ADAMTS2: variants seen among roughly 807,000 people sequenced by gnomAD.
ADAMTS2 encodes the protein A disintegrin and metalloproteinase with thrombospondin motifs 2.
Under a neutral mutation model 123.0 loss-of-function variants are expected in ADAMTS2, and 50 were observed. The observed-to-expected ratio is 0.41, with a 90% CI of 0.32 to 0.51. The LOEUF is 0.51. Ranked by LOEUF, ADAMTS2 falls within the 20% of genes least tolerant of loss-of-function variation. The probability of loss-of-function intolerance (pLI) is 0.35; values close to 1 mark genes in which losing one functional copy is unlikely to be tolerated. For synonymous variants in ADAMTS2, 678 were observed against 695.4 expected (o/e 0.98, Z 0.39); for missense variants, 1,494 against 1,705.2 (o/e 0.88, Z 2.18).
intron 2 of ADAMTS2, among the ~76,000 whole-genome samples, chr5:179,310,364 G>A (rs939924544): frequency 6.6e-6 from 1 of 152,224 alleles, no homozygotes; most frequent in East Asian, 1.9e-4. Context: ...CTCCAAGCTG[G>A]AGGATCAGGA....
intron 2 of ADAMTS2, among the ~76,000 whole-genome samples, chr5:179,343,488 T>A (rs1242507390): frequency 1.3e-5 from 2 of 152,168 alleles, no homozygotes; most frequent in Admixed American, 6.5e-5. Flanking sequence ...CAGAGACCTG[T>A]TCAGGCAGGC....
chr5:179,293,260 AG>A (rs1756238645), intron 2 of ADAMTS2, among the ~76,000 whole-genome samples: 1 of 152,258 alleles, frequency 6.6e-6, no homozygotes, highest in Non-Finnish European at 1.5e-5. Flanking sequence ...CAAAAGAGGC[AG>A]CGGCCTGTGC....
Position 179,234,922 on chromosome 5 carries a change from G to T in ADAMTS2, c.689-27207C>A, listed in dbSNP as rs114330092. Among the ~76,000 whole-genome samples, 5,333 of 152,252 alleles carry T rather than the reference G, an allele frequency of 0.035. 173 individuals carry two copies. Among genetic ancestry groups the T allele is most frequent in the Non-Finnish European group, 0.043 (2,918 of 68,014 alleles). On this transcript the variant is annotated intron_variant, in intron 3 of 21. Coordinates refer to ENST00000251582, the MANE Select transcript of ADAMTS2 (RefSeq NM_014244.5). This position sits in a 1 kb window ranked among gnomAD's most constrained non-coding sequence, Gnocchi z 4.7. ...CCCGTGCGGGAGTGCGAGCACACTG[G>T]CTAGGGCCTCCTGATGGGCCTGACC...
chr5:179,119,282 G>A lies in ADAMTS2; in HGVS notation c.3178+2379C>T, dbSNP rs531118148. On this transcript the variant is annotated intron_variant, in intron 21 of 21. Transcript: ENST00000251582. ...TCTGGGCAGGCTGAACTCAGCCATC[G>A]CTACCATGGTTGCTCCCTCCCCAGG... Among the ~76,000 whole-genome samples the A allele has an allele frequency of 1.1e-4, 17 of 152,310 alleles. No individual in the cohort carries two copies. In the South Asian group the frequency reaches 2.5e-3, roughly 22 times the overall value.
intron 2 of ADAMTS2, among the ~76,000 whole-genome samples, chr5:179,320,823 T>C (rs769463110): frequency 2.0e-5 from 3 of 152,204 alleles, no homozygotes; most frequent in Non-Finnish European, 2.9e-5. Flanking sequence ...GCTGGAATTG[T>C]TGGAAAGGAA....
intron 5 of ADAMTS2, among the ~76,000 whole-genome samples, chr5:179,169,274 C>G (rs1763769506): frequency 6.6e-6 from 1 of 152,182 alleles, no homozygotes; most frequent in Non-Finnish European, 1.5e-5. Context: ...AAGGTGCCCT[C>G]TAGGAGGAAT....
chr5:179,117,915 T>C lies in ADAMTS2; in HGVS notation c.3179-3591A>G, dbSNP rs1246844918. Among the ~76,000 whole-genome samples, 1 of 152,162 alleles carries C rather than the reference T, an allele frequency of 6.6e-6. No homozygotes were observed. The highest frequency in any genetic ancestry group is 1.9e-4 in the East Asian group (1 of 5,186). The stretch of plus-strand genomic sequence containing the variant: ...GTGACAGAGACCATGTGGGCTCCAA[T>C]GCCCAAAATATTGACTACCTGGCCC... On this transcript the variant is annotated intron_variant, in intron 21 of 21. Coordinates refer to ENST00000251582, the MANE Select transcript of ADAMTS2 (RefSeq NM_014244.5). This position sits in a 1 kb window ranked among gnomAD's most constrained non-coding sequence, Gnocchi z 4.2.
intron 21 of ADAMTS2, 51 bp from the exon 22 acceptor site, chr5:179,114,375 T>A: frequency 6.4e-7 from 1 of 1,552,648 alleles, no homozygotes; most frequent in Non-Finnish European, 8.8e-7. Flanking sequence ...AAGGGGGACT[T>A]TGTTCCCCCA....
At chr5:179,219,368 G>C (rs960782628) in intron 3 of ADAMTS2, among the ~76,000 whole-genome samples, 1 of 152,198 alleles carries the variant, frequency 6.6e-6, no homozygotes, top group Non-Finnish European at 1.5e-5. Context: ...AACCACGAGA[G>C]TCCTGTGTGC....
Position 179,256,423 on chromosome 5 carries a change from C to G in ADAMTS2, c.688+16488G>C, listed in dbSNP as rs980129928. On this transcript the variant is annotated intron_variant, in intron 3 of 21. Coordinates refer to ENST00000251582, the MANE Select transcript of ADAMTS2 (RefSeq NM_014244.5). This position sits in a 1 kb window ranked among gnomAD's most constrained non-coding sequence, Gnocchi z 4.1. ...GACCCTGGGCTCCTGGTGCCCAGCT[C>G]AGGGAAGCTCCTGGGTGCGGCTCGG... Among the ~76,000 whole-genome samples, 1 of 152,198 alleles carries G rather than the reference C, an allele frequency of 6.6e-6. No homozygotes were observed. The highest frequency in any genetic ancestry group is 2.4e-5 in the African/African-American group (1 of 41,446).
At position 179,242,727 on chromosome 5, in the gene ADAMTS2, G is replaced by A. The variant is rs1765696425; in HGVS notation, c.688+30184C>T. 6.6e-6 allele frequency among the ~76,000 whole-genome samples: 1 copy of A among 152,160 alleles called. No individual in the cohort carries two copies. The highest frequency in any genetic ancestry group is 2.4e-5 in the African/African-American group (1 of 41,432). On this transcript the variant is annotated intron_variant, in intron 3 of 21. Transcript: ENST00000251582. This position sits in a 1 kb window ranked among gnomAD's most constrained non-coding sequence, Gnocchi z 4.2. ...ATGGGGAGTTCCACTCTGGGGGTGTGTGGCCAAGAACACAGGGCTCCCTCT... is the reference window on the plus strand; with the variant it reads ...ATGGGGAGTTCCACTCTGGGGGTGTATGGCCAAGAACACAGGGCTCCCTCT...
chr5:179,225,610 G>A lies in ADAMTS2; in HGVS notation c.689-17895C>T, dbSNP rs531925747. Among the ~76,000 whole-genome samples the A allele has an allele frequency of 1.3e-4, 20 of 152,262 alleles. No homozygotes were observed. The highest frequency in any genetic ancestry group is 2.4e-4 in the Non-Finnish European group (16 of 68,012). On this transcript the variant is annotated intron_variant, in intron 3 of 21. Coordinates refer to ENST00000251582, the MANE Select transcript of ADAMTS2 (RefSeq NM_014244.5). This position sits in a 1 kb window ranked among gnomAD's most constrained non-coding sequence, Gnocchi z 4.5. ...CAGGCGGCTGGACGTCGAGAGGAAC[G>A]CACCAACGAGCACCAGCACGCTGCA... is the stretch of plus-strand genomic sequence containing the variant.
chr5:179,298,635 G>A (rs532407587), intron 2 of ADAMTS2, among the ~76,000 whole-genome samples: 2 of 152,226 alleles, frequency 1.3e-5, no homozygotes, highest in South Asian at 2.1e-4. Flanking sequence ...CGTGGCAGGA[G>A]GGGTGTGGAC....
chr5:179,125,335 G>A (rs1047391233), intron 18 of ADAMTS2, among the ~76,000 whole-genome samples, 155 bp from the exon 19 acceptor site: 16 of 152,186 alleles, frequency 1.1e-4, no homozygotes, highest in South Asian at 2.1e-4. Context: ...TTCTCACTAA[G>A]ATGCTGGCTG....
In ADAMTS2 at chr5:179,258,916, T is replaced by C. The variant is rs555932714; in HGVS notation, c.688+13995A>G. Among the ~76,000 whole-genome samples the C allele has an allele frequency of 1.1e-4, 17 of 152,282 alleles. No individual in the cohort carries two copies. In the South Asian group the frequency reaches 2.9e-3, roughly 26 times the overall value. ...CTACCAGGACTCCCAACACCCTTCC[T>C]GCACGATGGCGCTGAGGGGCTGATC... On this transcript the variant is annotated intron_variant, in intron 3 of 21. Transcript: ENST00000251582.
Position 179,221,320 on chromosome 5 carries a change from G to A in ADAMTS2, c.689-13605C>T, listed in dbSNP as rs114392373. Among the ~76,000 whole-genome samples the A allele has an allele frequency of 3.4e-3, 520 of 152,244 alleles. 4 individuals carry two copies. The highest frequency in any genetic ancestry group is 0.011 in the African/African-American group (472 of 41,562). On this transcript the variant is annotated intron_variant, in intron 3 of 21. Transcript: ENST00000251582. ...CATCTGGCTCTGTCCCCCGCATCCC[G>A]AGCTTCCAATGGCCCATGGTGGTGA...
At chr5:179,297,370 G>A (rs966570516) in intron 2 of ADAMTS2, among the ~76,000 whole-genome samples, 1 of 151,616 alleles carries the variant, frequency 6.6e-6, no homozygotes, top group African/African-American at 2.4e-5. Flanking sequence ...CCTGTCAGCC[G>A]TAGCCTCCCA....
chr5:179,299,445 T>G (rs568176281), intron 2 of ADAMTS2, among the ~76,000 whole-genome samples: 1 of 125,186 alleles, frequency 8.0e-6, no homozygotes, highest in African/African-American at 3.0e-5. Flanking sequence ...AGGAGAATGG[T>G]GTGAACCCAG....
At chr5:179,126,176 G>T (rs2113190825) in intron 17 of ADAMTS2, 46 bp from the exon 18 acceptor site, 1 of 1,611,194 alleles carries the variant, frequency 6.2e-7, no homozygotes. Context: ...AGCATGCCCT[G>T]CCCGAGGGTG....
Sources: gnomAD v4.1 joint callset for allele counts (sites outside exome capture counted in the v4.1 genomes callset) on GRCh38, gnomAD v4.1.1 for gene constraint, Gnocchi (gnomAD v3.1) non-coding constraint, MANE v1.5 for transcripts, NCBI Gene and HGNC (gene_info 2026-07-23, HGNC 2026-07-21) for gene names.